Variants in KHDC4 observed in about 807,000 individuals in gnomAD.
KHDC4 encodes the protein KH homology domain-containing protein 4.
KHDC4 carries 19 observed loss-of-function variants against 74.5 expected under a neutral mutation model. That is an observed-to-expected ratio of 0.26 (90% confidence interval 0.18 to 0.37). KHDC4 has a LOEUF of 0.37. Ranked by LOEUF, KHDC4 falls within the 10% of genes least tolerant of loss-of-function variation. The pLI, the probability that KHDC4 is intolerant of heterozygous loss-of-function variation, is 1.00. For missense variants in KHDC4, 632 were observed against 754.1 expected (o/e 0.84, Z 1.90); for synonymous variants, 253 against 266.1 (o/e 0.95, Z 0.48).
chr1:155,930,375 A>G (rs1674115939), intron 2 of KHDC4, among the ~76,000 whole-genome samples: 1 of 152,244 alleles, frequency 6.6e-6, no homozygotes, highest in Admixed American at 6.5e-5. Flanking sequence ...TAAAGTCAAT[A>G]ATAAAGTCAA....
At position 155,913,355 on chromosome 1, in the gene KHDC4, TG is replaced by T. The variant is rs1447139115; in HGVS notation, c.*765del. The T allele has an allele frequency of 6.6e-6, 1 of 152,396 alleles. No individual in the cohort carries two copies. The highest frequency in any genetic ancestry group is 2.4e-5 in the African/African-American group (1 of 41,454). The allele number at this position is 152,396 out of a possible 1,614,324, so 9.4% of individuals were successfully genotyped here. A position where few individuals can be genotyped will look rare whatever the true frequency, so the allele number is the denominator to read the frequency against. On this transcript the variant is annotated 3_prime_UTR_variant, in exon 14 of 14. Transcript: ENST00000368321. ...TCTCTGTTTTAGCTGCAACCAGTTCTGGGAGAGAGAGACCACTGTATTTCAT... is the reference window on the plus strand; with the variant it reads ...TCTCTGTTTTAGCTGCAACCAGTTCTGGAGAGAGAGACCACTGTATTTCAT...
At chr1:155,933,595 A>G in intron 2 of KHDC4, 38 bp downstream of exon 2, 2 of 1,524,762 alleles carry the variant, frequency 1.3e-6, no homozygotes, top group Non-Finnish European at 1.8e-6. Context: ...AACAACTATT[A>G]AATTCGCAAT....
At chr1:155,933,967 A>C in intron 1 of KHDC4, 118 bp from the exon 2 acceptor site, 1 of 805,310 alleles carries the variant, frequency 1.2e-6, no homozygotes, top group Non-Finnish European at 1.9e-6. Flanking sequence ...CCTCCGAATC[A>C]CCTTCCAAAT....
chr1:155,917,705 G>C lies in KHDC4; in HGVS notation c.1267-33C>G, dbSNP rs1032230063. On this transcript the variant is annotated intron_variant, in intron 10 of 13. Coordinates refer to ENST00000368321, the MANE Select transcript of KHDC4 (RefSeq NM_014949.4). ...CAAAACAAACCAAGGAAGAAAAAAA[G>C]TGTGAGAATGCCCAAGGAATAAGTA... The C allele has an allele frequency of 2.8e-6, 4 of 1,433,634 alleles. No individual in the cohort carries two copies. The African/African-American group carries it at 5.8e-5, about 21-fold the overall frequency. The allele number at this position is 1,433,634 out of a possible 1,614,324, so 88.8% of individuals were successfully genotyped here.
chr1:155,933,939 T>C, intron 1 of KHDC4, 90 bp from the exon 2 acceptor site: 2 of 1,032,724 alleles, frequency 1.9e-6, no homozygotes, highest in Non-Finnish European at 2.7e-6. Context: ...ATTTTCCCTC[T>C]ATTATATTCC....
intron 10 of KHDC4, among the ~76,000 whole-genome samples, chr1:155,920,492 C>T (rs1322117457): frequency 6.6e-6 from 1 of 152,172 alleles, no homozygotes; most frequent in East Asian, 1.9e-4. Context: ...AACATACCAG[C>T]ATTTATAATC....
Position 155,925,839 on chromosome 1 carries a change from T to C in KHDC4, c.686A>G (p.His229Arg). The C allele has an allele frequency of 1.9e-6, 3 of 1,606,784 alleles. No homozygotes were observed. The highest frequency in any genetic ancestry group is 2.6e-6 in the Non-Finnish European group (3 of 1,173,354). The change falls in exon 7 of 14, where the codon CAT becomes CGT. Residue 229 changes from histidine (H) to arginine (R), a missense_variant. His to Arg is a conservative substitution (Grantham distance 29). Transcript: ENST00000368321. ...SQKPPFQSGM[H>R]YVQDKLFVGL... ...CACAAATAATTTATCTTGAACATAATGCATCTGTAGGAAGAACAGAATACT... is the reference window on the plus strand; with the variant it reads ...CACAAATAATTTATCTTGAACATAACGCATCTGTAGGAAGAACAGAATACT...
chr1:155,930,280 C>T (rs887461697), intron 2 of KHDC4, among the ~76,000 whole-genome samples: 1 of 152,144 alleles, frequency 6.6e-6, no homozygotes, highest in African/African-American at 2.4e-5. Flanking sequence ...CCCTACCCTT[C>T]CCTTCATCTG....
chr1:155,914,478 T>A, intron 13 of KHDC4, 158 bp from the exon 14 acceptor site: 1 of 605,354 alleles, frequency 1.7e-6, no homozygotes, highest in Non-Finnish European at 2.9e-6. Context: ...ACGTTGAAGA[T>A]CACACGAAAA....
chr1:155,925,579 T>C, intron 7 of KHDC4, 53 bp downstream of exon 7: 1 of 1,449,790 alleles, frequency 6.9e-7, no homozygotes, highest in Non-Finnish European at 9.7e-7. Context: ...CACTCCTGAC[T>C]GTACCAACAA....
At chr1:155,919,786 G>A (rs1038468775) in intron 10 of KHDC4, 2 of 162,286 alleles carry the variant, frequency 1.2e-5, no homozygotes, top group Non-Finnish European at 2.6e-5. Context: ...ACTCTAGCCT[G>A]GGTGACAGAA....
At chr1:155,920,874 C>G (rs1377295581) in intron 10 of KHDC4, among the ~76,000 whole-genome samples, 1 of 152,208 alleles carries the variant, frequency 6.6e-6, no homozygotes, top group African/African-American at 2.4e-5. Context: ...TAGCCCCATT[C>G]TCCTTGAGGA....
intron 10 of KHDC4, among the ~76,000 whole-genome samples, chr1:155,919,269 T>C (rs1206005340): frequency 6.6e-6 from 1 of 152,076 alleles, no homozygotes; most frequent in African/African-American, 2.4e-5. Context: ...TGCGGCTGCC[T>C]TAACTCCCTG....
At chr1:155,920,390 ATGCGCCAC>A (rs1673833932) in intron 10 of KHDC4, among the ~76,000 whole-genome samples, 1 of 152,036 alleles carries the variant, frequency 6.6e-6, no homozygotes, top group South Asian at 2.1e-4. Context: ...GTGAGCTGAG[ATGCGCCAC>A]TGCACTCCAG....
At chr1:155,926,886 T>C (rs1674012683) in intron 5 of KHDC4, 47 bp from the exon 6 acceptor site, 4 of 1,598,348 alleles carry the variant, frequency 2.5e-6, no homozygotes, top group East Asian at 2.2e-5. Flanking sequence ...AACTGACTAG[T>C]GCCCAGGCAG....
chr1:155,930,184 A>G (rs1441345902), intron 2 of KHDC4, among the ~76,000 whole-genome samples: 2 of 152,212 alleles, frequency 1.3e-5, no homozygotes, highest in Non-Finnish European at 2.9e-5. Context: ...AAGTGCTGGG[A>G]TTACAGGCGT....
intron 13 of KHDC4, chr1:155,914,946 T>C (rs1673700156): frequency 6.6e-6 from 1 of 152,272 alleles, no homozygotes; most frequent in Non-Finnish European, 1.5e-5. Flanking sequence ...TACTATTCAC[T>C]GATGCTATGT....
chr1:155,914,656 G>C, intron 13 of KHDC4: 1 of 224,592 alleles, frequency 4.5e-6, no homozygotes, highest in East Asian at 1.1e-4. Context: ...AAGAAGTTAA[G>C]AAAAGAAAAA....
At chr1:155,933,201 A>G (rs1233951227) in intron 2 of KHDC4, among the ~76,000 whole-genome samples, 54 of 152,206 alleles carry the variant, frequency 3.5e-4, no homozygotes, top group Non-Finnish European at 2.9e-5. Context: ...TGTGTTCTGG[A>G]ACATTCCAAA....
Sources: gnomAD v4.1 joint callset for allele counts (sites outside exome capture counted in the v4.1 genomes callset) on GRCh38, gnomAD v4.1.1 for gene constraint, MANE v1.5 for transcripts, NCBI Gene and HGNC (gene_info 2026-07-23, HGNC 2026-07-21) for gene names.